ATP2B2: variants seen among roughly 807,000 people sequenced by gnomAD.
ATP2B2 encodes the protein ATPase plasma membrane Ca2+ transporting 2.
Under a neutral mutation model 120.0 loss-of-function variants are expected in ATP2B2, and 15 were observed. The ratio of observed to expected loss-of-function variants is 0.12; its 90% CI spans 0.08 to 0.19. The LOEUF (loss-of-function observed/expected upper bound fraction) is 0.19, where lower values mean the gene tolerates loss of function less well. ATP2B2 is among the 10% of genes least tolerant of loss of function. The probability of loss-of-function intolerance (pLI) is 1.00; values close to 1 mark genes in which losing one functional copy is unlikely to be tolerated. For missense variants in ATP2B2, 1,045 were observed against 1,719.8 expected, an observed-to-expected ratio of 0.61 and a Z score of 6.94; for synonymous variants, 694 against 700.3, an observed-to-expected ratio of 0.99 and a Z score of 0.14.
chr3:10,544,078 A>G (rs531697614), intron 2 of ATP2B2, among the ~76,000 whole-genome samples: 1 of 152,328 alleles, frequency 6.6e-6, no homozygotes, highest in East Asian at 1.9e-4. Context: ...GAGTCTTCAG[A>G]AAAGAAGTTT....
intron 1 of ATP2B2, among the ~76,000 whole-genome samples, chr3:10,678,181 C>T (rs906027966): frequency 6.6e-6 from 1 of 152,218 alleles, no homozygotes; most frequent in Non-Finnish European, 1.5e-5. Flanking sequence ...ATTTTGCTCA[C>T]TGGTATTCTC....
intron 2 of ATP2B2, among the ~76,000 whole-genome samples, chr3:10,594,526 T>C (rs1279985711): frequency 7.2e-6 from 1 of 138,302 alleles, no homozygotes; most frequent in Admixed American, 7.7e-5. Context: ...ATGAGAACAC[T>C]TGGACACAGG....
chr3:10,487,948 T>C (rs2065757604), intron 1 of ATP2B2, among the ~76,000 whole-genome samples: 1 of 152,186 alleles, frequency 6.6e-6, no homozygotes, highest in Non-Finnish European at 1.5e-5. Context: ...TACCCATTCA[T>C]CCATTCACCC....
chr3:10,512,106 T>C (rs2066772956), intron 3 of ATP2B2, among the ~76,000 whole-genome samples: 1 of 152,070 alleles, frequency 6.6e-6, no homozygotes, highest in African/African-American at 2.4e-5. Context: ...CCAGAGAGGG[T>C]GTGTGGCTTG....
At chr3:10,556,747 TTTAA>T (rs2067788116) in intron 2 of ATP2B2, among the ~76,000 whole-genome samples, 1 of 152,262 alleles carries the variant, frequency 6.6e-6, no homozygotes, top group African/African-American at 2.4e-5. Context: ...TTTATTAAAC[TTTAA>T]TTACTCCTAT....
At chr3:10,704,021 G>A (rs1361679849) in intron 1 of ATP2B2, among the ~76,000 whole-genome samples, 1 of 152,144 alleles carries the variant, frequency 6.6e-6, no homozygotes, top group Non-Finnish European at 1.5e-5. Context: ...CCTCCCTGTG[G>A]AGGCCACAGT....
chr3:10,534,450 C>A (rs935519319), intron 2 of ATP2B2, among the ~76,000 whole-genome samples: 1 of 152,236 alleles, frequency 6.6e-6, no homozygotes, highest in African/African-American at 2.4e-5. Context: ...ATGCATCGGG[C>A]ATCTAGCCAT....
chr3:10,502,846 C>G (rs186663444), intron 1 of ATP2B2, among the ~76,000 whole-genome samples: 326 of 152,328 alleles, frequency 2.1e-3, no homozygotes, highest in African/African-American at 7.5e-3. Context: ...TGGCCTCATG[C>G]CGAAGGGTCA....
chr3:10,458,898 C>A (rs940368843), intron 1 of ATP2B2, among the ~76,000 whole-genome samples: 1 of 152,252 alleles, frequency 6.6e-6, no homozygotes, highest in African/African-American at 2.4e-5. Context: ...ACAACTTGCA[C>A]TATGGCCCTT....
chr3:10,597,614 T>A (rs1445643758), intron 2 of ATP2B2, among the ~76,000 whole-genome samples: 1 of 152,120 alleles, frequency 6.6e-6, no homozygotes, highest in Non-Finnish European at 1.5e-5. Flanking sequence ...GGCAGCTGAG[T>A]GAAATGGTTC....
At chr3:10,390,845 G>A (rs899433156) in intron 5 of ATP2B2, among the ~76,000 whole-genome samples, 2 of 152,148 alleles carry the variant, frequency 1.3e-5, no homozygotes, top group African/African-American at 4.8e-5. Context: ...CTCATCACAG[G>A]CAGACCCTGG....
chr3:10,662,797 G>A (rs577883135), intron 1 of ATP2B2, among the ~76,000 whole-genome samples: 1 of 152,138 alleles, frequency 6.6e-6, no homozygotes, highest in Admixed American at 6.5e-5. Context: ...GCACACGTAT[G>A]TTTATTGCGG....
At chr3:10,634,596 T>C (rs956496368) in intron 1 of ATP2B2, among the ~76,000 whole-genome samples, 8 of 152,160 alleles carry the variant, frequency 5.3e-5, no homozygotes, top group Non-Finnish European at 8.8e-5. Flanking sequence ...CGCTGTGACA[T>C]ACAGAAAATA....
chr3:10,415,115 C>A (rs557391967), intron 2 of ATP2B2, among the ~76,000 whole-genome samples: 15 of 152,312 alleles, frequency 9.8e-5, no homozygotes, highest in African/African-American at 3.4e-4. Flanking sequence ...GGATGGCCTG[C>A]GTTCAAATCC....
intron 14 of ATP2B2, among the ~76,000 whole-genome samples, chr3:10,351,503 T>C (rs1335503003): frequency 1.3e-5 from 2 of 152,180 alleles, no homozygotes; most frequent in Non-Finnish European, 2.9e-5. Context: ...GGGCTCAGTC[T>C]GACGTTCCCT....
chr3:10,423,973 T>C (rs983310734), intron 2 of ATP2B2, among the ~76,000 whole-genome samples: 2 of 152,176 alleles, frequency 1.3e-5, no homozygotes, highest in African/African-American at 4.8e-5. Context: ...GCTCAAATGT[T>C]ACCCCCCGCA....
At chr3:10,504,943 C>T (rs941591604) in intron 1 of ATP2B2, among the ~76,000 whole-genome samples, 2 of 152,182 alleles carry the variant, frequency 1.3e-5, no homozygotes, top group African/African-American at 4.8e-5. Flanking sequence ...CAGCACACAG[C>T]TGCCCACCCC....
rs540500709 is a variant in ATP2B2 at position 10,501,193 on chromosome 3, C to G, written c.-320+4272G>C. On this transcript the variant is annotated intron_variant, in intron 1 of 22. Coordinates refer to ENST00000360273, the MANE Select transcript of ATP2B2 (RefSeq NM_001001331.4). ...GGCCACATATCTGGAACTCTCTGAC[C>G]CTGCAGAGATTTCCTAGACTGTGAA... is the stretch of plus-strand genomic sequence containing the variant. Among the ~76,000 whole-genome samples the G allele has an allele frequency of 1.3e-4, 20 of 152,246 alleles. No individual in the cohort carries two copies. In the South Asian group the frequency reaches 4.1e-3, roughly 32 times the overall value.
chr3:10,541,586 T>C (rs1174852401), intron 2 of ATP2B2, among the ~76,000 whole-genome samples: 1 of 152,244 alleles, frequency 6.6e-6, no homozygotes, highest in Non-Finnish European at 1.5e-5. Context: ...AATATCTTTC[T>C]GTTATTGACT....
Sources: allele counts gnomAD v4.1 joint callset (sites outside exome capture counted in the v4.1 genomes callset), GRCh38; gene constraint gnomAD v4.1.1; transcripts MANE v1.5; gene names NCBI Gene and HGNC (gene_info 2026-07-23, HGNC 2026-07-21).